The following CHST3 variants were observed in gnomAD, a reference collection of about 807,000 sequenced individuals.
CHST3 encodes the protein carbohydrate sulfotransferase 3.
In CHST3, 20 loss-of-function variants were observed where a neutral mutation model predicts 35.4. The observed-to-expected ratio is 0.57, with a 90% confidence interval of 0.40 to 0.82. The LOEUF is 0.82. CHST3 is among the 40% of genes least tolerant of loss of function. The pLI is 0.00. For missense variants in CHST3, 693 were observed against 670.1 expected (o/e 1.03, Z -0.38); for synonymous variants, 334 against 295.9 (o/e 1.13, Z -1.32).
chr10:71,976,215 T>G (rs888128651), intron 1 of CHST3, among the ~76,000 whole-genome samples: 2 of 152,168 alleles, frequency 1.3e-5, no homozygotes, highest in African/African-American at 4.8e-5. Flanking sequence ...TTGGAAAATG[T>G]TCCTTCTCCA....
chr10:72,008,509 C>T lies in CHST3; in HGVS notation c.*38C>T. The T allele has an allele frequency of 6.8e-7, 1 of 1,469,398 alleles. No individual in the cohort carries two copies. Among genetic ancestry groups the T allele is most frequent in the South Asian group, 1.4e-5 (1 of 70,938 alleles). 91.0% of individuals were successfully genotyped at this position (1,469,398 alleles called of 1,614,324 possible). On this transcript the variant is annotated 3_prime_UTR_variant, in exon 3 of 3. Coordinates refer to ENST00000373115, the MANE Select transcript of CHST3 (RefSeq NM_004273.5). ...CCCGTATGCCCCTCCTCGTGAAAGG[C>T]CTGCCCCGTCTTTCTGCCGCAGCCC...
chr10:71,997,340 C>T (rs904260693), intron 1 of CHST3, among the ~76,000 whole-genome samples: 2 of 152,158 alleles, frequency 1.3e-5, no homozygotes, highest in African/African-American at 2.4e-5. Flanking sequence ...TCTCACCAAG[C>T]GTGATGTCCT....
chr10:71,966,874 G>C (rs1839636733), intron 1 of CHST3, among the ~76,000 whole-genome samples: 1 of 152,102 alleles, frequency 6.6e-6, no homozygotes, highest in Non-Finnish European at 1.5e-5. Context: ...TTGTGTATTT[G>C]GTTTTTTTAA....
At chr10:71,994,363 A>T (rs1345106033) in intron 1 of CHST3, among the ~76,000 whole-genome samples, 1 of 152,230 alleles carries the variant, frequency 6.6e-6, no homozygotes, top group East Asian at 1.9e-4. Flanking sequence ...GTTAACAGGC[A>T]TGAAAACATT....
chr10:71,984,019 CTTTTG>C (rs752803334), intron 1 of CHST3, among the ~76,000 whole-genome samples: 11 of 152,112 alleles, frequency 7.2e-5, no homozygotes, highest in Non-Finnish European at 4.4e-5. Context: ...TGTAACGGGC[CTTTTG>C]TTTGTTTGTT....
chr10:71,982,763 AAAGT>A (rs1247045463), intron 1 of CHST3, among the ~76,000 whole-genome samples: 2 of 152,124 alleles, frequency 1.3e-5, no homozygotes, highest in Non-Finnish European at 2.9e-5. Context: ...AAAAGGAAAG[AAAGT>A]AAGTGTTATT....
At chr10:71,979,807 A>G (rs1839783711) in intron 1 of CHST3, among the ~76,000 whole-genome samples, 1 of 151,730 alleles carries the variant, frequency 6.6e-6, no homozygotes, top group African/African-American at 2.4e-5. Context: ...AATCACCACC[A>G]CTCCCACCAC....
At chr10:71,981,939 A>T (rs918119474) in intron 1 of CHST3, among the ~76,000 whole-genome samples, 10 of 152,218 alleles carry the variant, frequency 6.6e-5, no homozygotes, top group African/African-American at 2.4e-4. Flanking sequence ...AGTGATTCTC[A>T]TGCCCAGCAG....
intron 1 of CHST3, among the ~76,000 whole-genome samples, chr10:71,975,378 C>G (rs1404656441): frequency 6.6e-6 from 1 of 152,226 alleles, no homozygotes; most frequent in Non-Finnish European, 1.5e-5. Context: ...ACTCTGCCAT[C>G]CGGCCACAAA....
At chr10:71,985,517 C>A (rs116942717) in intron 1 of CHST3, among the ~76,000 whole-genome samples, 2,666 of 152,298 alleles carry the variant, frequency 0.018, 26 homozygotes, top group South Asian at 0.027. Flanking sequence ...AAGCCAAACT[C>A]CAGTTGAGGT....
chr10:71,966,406 C>T (rs1304139023), intron 1 of CHST3, among the ~76,000 whole-genome samples: 1 of 152,106 alleles, frequency 6.6e-6, no homozygotes, highest in Non-Finnish European at 1.5e-5. Context: ...CATTCGTGTT[C>T]CTGGAACTGG....
chr10:71,982,039 GA>G (rs1338473385), intron 1 of CHST3, among the ~76,000 whole-genome samples: 3 of 152,214 alleles, frequency 2.0e-5, no homozygotes, highest in Non-Finnish European at 4.4e-5. Flanking sequence ...GTGCTTATGG[GA>G]TGCTGAAATG....
intron 1 of CHST3, among the ~76,000 whole-genome samples, chr10:71,996,991 G>A (rs956050294): frequency 6.6e-6 from 1 of 152,016 alleles, no homozygotes; most frequent in East Asian, 1.9e-4. Context: ...TCCTGGGCTC[G>A]AGCAATCTCC....
chr10:71,996,988 C>T (rs1245040266), intron 1 of CHST3, among the ~76,000 whole-genome samples: 1 of 152,118 alleles, frequency 6.6e-6, no homozygotes, highest in African/African-American at 2.4e-5. Context: ...AACTCCTGGG[C>T]TCGAGCAATC....
chr10:71,984,020 TTTTG>T lies in CHST3; in HGVS notation c.-108+19342_-108+19345del, dbSNP rs575463289. On this transcript the variant is annotated intron_variant, in intron 1 of 2. Transcript: ENST00000373115. Reference sequence around the variant, plus strand: ...ACTCCCCAAAATTCTGTAACGGGCCTTTTGTTTGTTTGTTTGTTTTGAGACACAG... The same window carrying T: ...ACTCCCCAAAATTCTGTAACGGGCCTTTTGTTTGTTTGTTTTGAGACACAG... Among the ~76,000 whole-genome samples, 23 of 152,232 alleles carry T rather than the reference TTTTG, an allele frequency of 1.5e-4. 1 individual carries two copies. In the South Asian group the frequency reaches 1.9e-3, roughly 12 times the overall value.
chr10:71,974,186 A>G (rs1027081523), intron 1 of CHST3, among the ~76,000 whole-genome samples: 4 of 152,238 alleles, frequency 2.6e-5, no homozygotes, highest in African/African-American at 9.6e-5. Context: ...GCAGCTAGAA[A>G]AGGAAATTGA....
chr10:71,971,416 T>G (rs1839693714), intron 1 of CHST3, among the ~76,000 whole-genome samples: 1 of 152,238 alleles, frequency 6.6e-6, no homozygotes, highest in African/African-American at 2.4e-5. Context: ...CAGACCAGTC[T>G]GCAGGTTGAT....
At chr10:71,996,432 C>A (rs1322633432) in intron 1 of CHST3, among the ~76,000 whole-genome samples, 6 of 145,644 alleles carry the variant, frequency 4.1e-5, no homozygotes, top group African/African-American at 1.3e-4. Flanking sequence ...CCAACCCCCC[C>A]CCAACGTATG....
At chr10:71,979,485 A>G (rs1839780200) in intron 1 of CHST3, among the ~76,000 whole-genome samples, 1 of 150,902 alleles carries the variant, frequency 6.6e-6, no homozygotes, top group African/African-American at 2.4e-5. Flanking sequence ...GGCTCTGGGG[A>G]TGTGTAGGGT....
Sources: allele counts gnomAD v4.1 joint callset (sites outside exome capture counted in the v4.1 genomes callset), GRCh38; gene constraint gnomAD v4.1.1; transcripts MANE v1.5; gene names NCBI Gene and HGNC (gene_info 2026-07-23, HGNC 2026-07-21).